DNAH9: variants seen among roughly 807,000 people sequenced by gnomAD.
The protein encoded by DNAH9 is DNAH9 variant protein.
Under a neutral mutation model 471.6 loss-of-function variants are expected in DNAH9, and 345 were observed. That is an observed-to-expected ratio of 0.73 (90% CI 0.67 to 0.80). The LOEUF is 0.80. Ranked by LOEUF, DNAH9 falls within the 30% of genes least tolerant of loss-of-function variation. DNAH9 has a pLI of 0.00. For missense variants in DNAH9, 5,407 were observed against 5,609.2 expected (o/e 0.96, Z 1.15); for synonymous variants, 2,093 against 2,123.6 (o/e 0.99, Z 0.40).
In DNAH9 at chr17:11,969,617, G is replaced by C. The variant is rs1977050501; in HGVS notation, c.*90G>C. The C allele has an allele frequency of 1.9e-6, 2 of 1,044,712 alleles. No individual in the cohort carries two copies. The highest frequency in any genetic ancestry group is 2.7e-6 in the Non-Finnish European group (2 of 737,908). 64.7% of individuals were successfully genotyped at this position (1,044,712 alleles called of 1,614,324 possible). A position where few individuals can be genotyped will look rare whatever the true frequency, so the allele number is the denominator to read the frequency against. On this transcript the variant is annotated 3_prime_UTR_variant, in exon 69 of 69. Transcript: ENST00000262442. Reference sequence around the variant, plus strand: ...GGTGAAGGGTCACCACAGACACTTAGAACGGTAAGAAACCATGAGCACTCA... The same window carrying C: ...GGTGAAGGGTCACCACAGACACTTACAACGGTAAGAAACCATGAGCACTCA...
intron 22 of DNAH9, among the ~76,000 whole-genome samples, chr17:11,695,644 C>T (rs1435703509): frequency 6.6e-6 from 1 of 152,174 alleles, no homozygotes; most frequent in African/African-American, 2.4e-5. Flanking sequence ...GAGCTACAGA[C>T]ACTGGTTCTG....
At chr17:11,782,390 C>G (rs915012260) in intron 39 of DNAH9, among the ~76,000 whole-genome samples, 1 of 152,202 alleles carries the variant, frequency 6.6e-6, no homozygotes, top group Non-Finnish European at 1.5e-5. Context: ...CACCACACCT[C>G]AGCTGATGAC....
chr17:11,925,965 G>A (rs1314034344), intron 62 of DNAH9, among the ~76,000 whole-genome samples: 3 of 130,626 alleles, frequency 2.3e-5, no homozygotes, highest in Non-Finnish European at 3.1e-5. Flanking sequence ...ATTTCCTGAT[G>A]TACTGAACTA....
intron 63 of DNAH9, among the ~76,000 whole-genome samples, chr17:11,930,765 C>CAAA (rs11371438): frequency 2.1e-4 from 26 of 125,146 alleles, no homozygotes; most frequent in Admixed American, 2.5e-4. Flanking sequence ...ACTCCATCTC[C>CAAA]AAAAAAAAAA....
At chr17:11,866,736 C>T (rs2150982304) in intron 50 of DNAH9, among the ~76,000 whole-genome samples, 1 of 152,214 alleles carries the variant, frequency 6.6e-6, no homozygotes, top group African/African-American at 2.4e-5. Flanking sequence ...GGGCGCCCCT[C>T]CCCCAGCCTC....
At position 11,727,855 on chromosome 17, in the gene DNAH9, G is replaced by A; in HGVS notation, c.5747G>A (p.Gly1916Asp). The change falls in exon 28 of 69, where the codon GGT (glycine) becomes GAT (aspartate). Residue 1916 changes from glycine (G) to aspartate (D), a missense_variant. Physicochemically the swap from Gly to Asp is moderately conservative, Grantham distance 94. Transcript: ENST00000262442. ...GNIYKGLAQT[G>D]AWGCFDEFNR... ...ATCTACAAAGGCCTTGCTCAGACTG[G>A]TGCCTGGGGCTGCTTTGATGAGTTT... 6.2e-7 allele frequency: 1 copy of A among 1,614,136 alleles called. No homozygotes were observed. Among genetic ancestry groups the A allele is most frequent in the Non-Finnish European group, 8.5e-7 (1 of 1,179,992 alleles).
chr17:11,795,443 G>A (rs964129214), intron 42 of DNAH9, among the ~76,000 whole-genome samples: 9 of 152,094 alleles, frequency 5.9e-5, no homozygotes, highest in Non-Finnish European at 4.4e-5. Context: ...GTTTAGCTCC[G>A]TATTTTTTTC....
chr17:11,828,211 CA>C (rs1970569363), intron 48 of DNAH9, among the ~76,000 whole-genome samples: 1 of 152,088 alleles, frequency 6.6e-6, no homozygotes, highest in Non-Finnish European at 1.5e-5. Context: ...CGGTGGCTCA[CA>C]CCTGTAATCC....
chr17:11,874,534 A>T (rs1441048730), intron 52 of DNAH9, among the ~76,000 whole-genome samples: 1 of 152,044 alleles, frequency 6.6e-6, no homozygotes, highest in Non-Finnish European at 1.5e-5. Context: ...TACAGACAGG[A>T]GCAAACCCAC....
intron 67 of DNAH9, among the ~76,000 whole-genome samples, chr17:11,951,222 A>G (rs1975349573): frequency 6.6e-6 from 1 of 152,234 alleles, no homozygotes; most frequent in South Asian, 2.1e-4. Flanking sequence ...TTCTGAAGGG[A>G]AAAAATGAAT....
intron 66 of DNAH9, among the ~76,000 whole-genome samples, chr17:11,940,702 T>C (rs977048428): frequency 5.9e-5 from 9 of 152,230 alleles, no homozygotes; most frequent in Non-Finnish European, 1.2e-4. Flanking sequence ...TAGTTCTTCA[T>C]AGCTTTCAGA....
rs763712745 is a variant in DNAH9, at chr17:11,610,560, C to T, written c.773+6C>T. 6.2e-7 allele frequency: 1 copy of T among 1,611,666 alleles called. No homozygotes were observed. The highest frequency in any genetic ancestry group is 2.2e-5 in the East Asian group (1 of 44,854). On this transcript the variant is annotated splice_donor_region_variant and intron_variant, in intron 3 of 68. Transcript: ENST00000262442. ...TTGGAGTTCTGGAAGAGCAGGTAGG[C>T]AAGAAGGCACATGCTGGAAGTCTGG...
rs745322070 is a variant in DNAH9, at chr17:11,961,974, G to A, written c.12951G>A (p.Leu4317=). 3 of 1,614,164 alleles carry A rather than the reference G, an allele frequency of 1.9e-6. No homozygotes were observed. In the South Asian group the frequency reaches 3.3e-5, roughly 18 times the overall value. ...ARRAYPSTAG[L]AAWFPDLLNR... ...GAGCCTACCCTTCCACAGCAGGCCT[G>A]GCAGCCTGGTTTCCAGACCTCCTCA... Residue 4317 remains leucine (L), a synonymous_variant, in exon 68 of 69, where the codon CTG becomes CTA. Coordinates refer to ENST00000262442, the MANE Select transcript of DNAH9 (RefSeq NM_001372.4).
At chr17:11,883,890 T>TTCA in intron 56 of DNAH9, 140 bp downstream of exon 56, 1 of 972,040 alleles carries the variant, frequency 1.0e-6, no homozygotes, top group African/African-American at 1.6e-5. Context: ...AAGGTTCTTC[T>TTCA]AGAAAGTCTA....
At chr17:11,658,075 A>C (rs527531213) in intron 14 of DNAH9, among the ~76,000 whole-genome samples, 1 of 152,240 alleles carries the variant, frequency 6.6e-6, no homozygotes, top group Non-Finnish European at 1.5e-5. Context: ...TGTGATTTTG[A>C]TTGAGATTAC....
intron 9 of DNAH9, among the ~76,000 whole-genome samples, chr17:11,639,381 G>C (rs1287848697): frequency 6.6e-6 from 1 of 152,244 alleles, no homozygotes; most frequent in Non-Finnish European, 1.5e-5. Context: ...CATTTTACCA[G>C]AGAAGCTGGG....
intron 58 of DNAH9, 66 bp from the exon 59 acceptor site, chr17:11,894,308 C>A: frequency 1.3e-6 from 2 of 1,590,724 alleles, no homozygotes; most frequent in Admixed American, 3.4e-5. Context: ...TGAGTGACAA[C>A]CCCTAAGATT....
Position 11,598,574 on chromosome 17 carries a change from C to T in DNAH9, c.76C>T (p.Arg26Ter). The T allele has an allele frequency of 3.7e-6, 5 of 1,341,670 alleles. No individual in the cohort carries two copies. The South Asian group carries it at 4.8e-5, about 13-fold the overall frequency. The allele number at this position is 1,341,670 out of a possible 1,614,324, so 83.1% of individuals were successfully genotyped here. Residue 26 changes from arginine (R) to a stop codon, truncating the protein, a stop_gained, in exon 1 of 69, where the codon CGA becomes TGA. Transcript: ENST00000262442. LOFTEE classifies it high-confidence loss of function. ...GGAACCCGGCGCCGACCGACGACTG[C>T]GACTCCTGGGGACCTACGTGGCCAT... ...DGEPGADRRL[R>*]LLGTYVAMSL...
chr17:11,607,657 C>A (rs2072538254), intron 1 of DNAH9, among the ~76,000 whole-genome samples: 1 of 152,154 alleles, frequency 6.6e-6, no homozygotes, highest in African/African-American at 2.4e-5. Flanking sequence ...GCAACCTCCG[C>A]CTCCTGGGTT....
Sources: gnomAD v4.1 joint callset for allele counts (sites outside exome capture counted in the v4.1 genomes callset) on GRCh38, gnomAD v4.1.1 for gene constraint, MANE v1.5 for transcripts, NCBI Gene and HGNC (gene_info 2026-07-23, HGNC 2026-07-21) for gene names.